Variants in IAH1 observed in about 807,000 individuals in gnomAD.
IAH1 encodes isoamyl acetate-hydrolyzing esterase 1 homolog.
Under a neutral mutation model 26.7 loss-of-function variants are expected in IAH1, and 24 were observed. The observed-to-expected ratio is 0.90, with a 90% CI of 0.65 to 1.26. IAH1 has a LOEUF of 1.26. IAH1 is among the 50% of genes most tolerant of loss of function. The pLI, the probability that IAH1 is intolerant of heterozygous loss-of-function variation, is 0.00. For synonymous variants in IAH1, 140 were observed against 118.5 expected (o/e 1.18, Z -1.18); for missense variants, 300 against 299.9 (o/e 1.00, Z 0.00).
the IAH1 span, chr2:9,502,187 A>G: frequency 9.3e-6 from 15 of 1,613,882 alleles, no homozygotes; most frequent in East Asian, 2.5e-4. Flanking sequence ...GCAGTAGGAC[A>G]CGCCTTTGCA....
At chr2:9,503,648 G>A in the IAH1 span, among the ~76,000 whole-genome samples, 1 of 152,086 alleles carries the variant, frequency 6.6e-6, no homozygotes, top group African/African-American at 2.4e-5. Flanking sequence ...AGACCAGCCT[G>A]GCCAACATGG....
At chr2:9,510,778 T>C in the IAH1 span, among the ~76,000 whole-genome samples, 9 of 151,630 alleles carry the variant, frequency 5.9e-5, no homozygotes, top group African/African-American at 2.2e-4. Context: ...GCTACAGTGA[T>C]CTATGATCAC....
chr2:9,497,634 T>C (rs922625451), downstream of IAH1, among the ~76,000 whole-genome samples: 6 of 152,216 alleles, frequency 3.9e-5, no homozygotes, highest in South Asian at 4.1e-4. Context: ...CACACAACTC[T>C]CCCACAGCCC....
intron 5 of IAH1, 50 bp downstream of exon 5, chr2:9,484,600 T>G: frequency 8.1e-7 from 1 of 1,241,446 alleles, no homozygotes; most frequent in Non-Finnish European, 1.2e-6. Flanking sequence ...CACACAGAAG[T>G]AAACCAGGTG....
chr2:9,490,062 AC>A, downstream of IAH1: 1 of 999,630 alleles, frequency 1.0e-6, no homozygotes, highest in Non-Finnish European at 1.4e-6. Flanking sequence ...CAAACACATG[AC>A]CAGCATCTGC....
At chr2:9,490,536 C>A, downstream of IAH1, 2 of 1,599,262 alleles carry the variant, frequency 1.3e-6, no homozygotes, top group South Asian at 2.2e-5. Flanking sequence ...GACATGGGTT[C>A]AATTGATTGA....
chr2:9,490,255 C>T (rs1334374778), downstream of IAH1: 10 of 1,612,718 alleles, frequency 6.2e-6, no homozygotes, highest in East Asian at 4.5e-5. Flanking sequence ...TTCTGGTGAC[C>T]GGATGGTCCG....
At chr2:9,480,524 TATG>T in intron 3 of IAH1, among the ~76,000 whole-genome samples, 1 of 152,312 alleles carries the variant, frequency 6.6e-6, no homozygotes, top group South Asian at 2.1e-4. Flanking sequence ...AAAAGCAAAA[TATG>T]AAGTCTTCAG....
chr2:9,506,459 C>T, the IAH1 span, among the ~76,000 whole-genome samples: 1 of 150,788 alleles, frequency 6.6e-6, no homozygotes, highest in Non-Finnish European at 1.5e-5. Context: ...CTCCGCCTCC[C>T]GGGTTCAAGT....
downstream of IAH1, chr2:9,497,119 C>G: frequency 6.2e-7 from 1 of 1,613,812 alleles, no homozygotes; most frequent in Non-Finnish European, 8.5e-7. Context: ...CTCACCATTA[C>G]ATGCACAGGA....
chr2:9,495,282 G>T (rs891470437), intron 6 of IAH1, among the ~76,000 whole-genome samples: 1 of 152,250 alleles, frequency 6.6e-6, no homozygotes, highest in Non-Finnish European at 1.5e-5. Context: ...GAACAGCTCT[G>T]ACAGGTCACA....
At chr2:9,498,806 T>C (rs1370175476), downstream of IAH1, among the ~76,000 whole-genome samples, 7 of 152,254 alleles carry the variant, frequency 4.6e-5, no homozygotes, top group African/African-American at 1.7e-4. Context: ...ACTGCCCTGA[T>C]ACATTAAAAA....
chr2:9,493,078 C>T, downstream of IAH1: 1 of 1,058,406 alleles, frequency 9.4e-7, no homozygotes, highest in Middle Eastern at 2.1e-4. Flanking sequence ...GTGTCAAATG[C>T]CAGAGCTGCT....
At chr2:9,494,771 G>C in exon 6 of IAH1, 1 of 1,613,818 alleles carries the variant, frequency 6.2e-7, no homozygotes, top group African/African-American at 1.3e-5. Flanking sequence ...TCAGTTTCTG[G>C]AACAGAGAAC....
chr2:9,481,702 A>G (rs1226238054), intron 4 of IAH1, among the ~76,000 whole-genome samples: 3 of 152,046 alleles, frequency 2.0e-5, no homozygotes, highest in Non-Finnish European at 2.9e-5. Context: ...GCTGACCTTT[A>G]CAGTTACCAG....
At chr2:9,510,217 G>A in the IAH1 span, 1 of 1,229,148 alleles carries the variant, frequency 8.1e-7, no homozygotes, top group Non-Finnish European at 1.2e-6. Flanking sequence ...GTCTTAAATA[G>A]AGCCTTATAA....
At chr2:9,509,821 C>T in the IAH1 span, among the ~76,000 whole-genome samples, 1 of 152,148 alleles carries the variant, frequency 6.6e-6, no homozygotes, top group Non-Finnish European at 1.5e-5. Flanking sequence ...AACCGTGCTT[C>T]ACCCCAAAAC....
At chr2:9,474,526 C>G (rs557285757), upstream of IAH1, 1 of 1,347,626 alleles carries the variant, frequency 7.4e-7, no homozygotes, top group African/African-American at 1.6e-5. This position sits in a 1 kb window ranked among gnomAD's most constrained non-coding sequence, Gnocchi z 4.3. Flanking sequence ...GCAGGCGCCT[C>G]TCGTGGCTGG....
chr2:9,484,493 G>T lies in IAH1; in HGVS notation c.507G>T (p.Val169=). Reference sequence around the variant, plus strand: ...AATATGCCAATGCGTGTTTACAAGTGGCCCAAGACTGTGGGACTGACGTAC... The same window carrying T: ...AATATGCCAATGCGTGTTTACAAGTTGCCCAAGACTGTGGGACTGACGTAC... ...VGEYANACLQ[V]AQDCGTDVLD... The change falls in exon 5 of 6, where the codon GTG becomes GTT. Residue 169 remains valine (V), a synonymous_variant. Coordinates refer to ENST00000497473, the MANE Select transcript of IAH1 (RefSeq NM_001039613.3). 1 of 1,614,178 alleles carries T rather than the reference G, an allele frequency of 6.2e-7. No individual in the cohort carries two copies. The highest frequency in any genetic ancestry group is 8.5e-7 in the Non-Finnish European group (1 of 1,180,020).
Sources: gnomAD v4.1 joint callset for allele counts (sites outside exome capture counted in the v4.1 genomes callset) on GRCh38, gnomAD v4.1.1 for gene constraint, Gnocchi (gnomAD v3.1) non-coding constraint, MANE v1.5 for transcripts, NCBI Gene and HGNC (gene_info 2026-07-23, HGNC 2026-07-21) for gene names.